MEX3C: variants seen among roughly 807,000 people sequenced by gnomAD.
The protein encoded by MEX3C is mex-3 RNA binding family member C.
Under a neutral mutation model 35.5 loss-of-function variants are expected in MEX3C, and 15 were observed. The ratio of observed to expected loss-of-function variants is 0.42; its 90% CI spans 0.28 to 0.65. MEX3C has a LOEUF of 0.65. MEX3C is among the 30% of genes least tolerant of loss of function. The probability of loss-of-function intolerance (pLI) is 0.20; values close to 1 mark genes in which losing one functional copy is unlikely to be tolerated. For synonymous variants in MEX3C, 390 were observed against 352.8 expected (o/e 1.11, Z -1.18); for missense variants, 711 against 842.8 (o/e 0.84, Z 1.94).
Position 51,177,135 on chromosome 18 carries a change from A to AT in MEX3C, c.1195dup (p.Ile399AsnfsTer5). The AT allele has an allele frequency of 6.2e-7, 1 of 1,613,946 alleles. No individual in the cohort carries two copies. The highest frequency in any genetic ancestry group is 8.5e-7 in the Non-Finnish European group (1 of 1,179,892). ...GAAATCATTCTCTTCATTGAGCTCT[A>AT]TATAGTTTCCTGTACGCATGGCAAT... On this transcript the variant is annotated frameshift_variant, in exon 2 of 2. Transcript: ENST00000406189. LOFTEE classifies it high-confidence loss of function. The surrounding 1 kb of genome is among the most constrained non-coding windows in gnomAD (Gnocchi z 4.2).
chr18:51,195,458 G>C (rs975426756), intron 1 of MEX3C: 1 of 152,110 alleles, frequency 6.6e-6, no homozygotes, highest in African/African-American at 2.4e-5. Flanking sequence ...CCACCATTTC[G>C]ACAGAGCTCT....
intron 1 of MEX3C, among the ~76,000 whole-genome samples, chr18:51,179,292 G>A (rs1599250572): frequency 6.6e-6 from 1 of 152,182 alleles, no homozygotes; most frequent in East Asian, 1.9e-4. Flanking sequence ...GGGAGCCACC[G>A]CACCTGGCCG....
intron 1 of MEX3C, among the ~76,000 whole-genome samples, chr18:51,181,381 G>A (rs879707653): frequency 6.6e-6 from 1 of 152,056 alleles, no homozygotes; most frequent in Non-Finnish European, 1.5e-5. Flanking sequence ...ATAAAAGGGT[G>A]AAAGAAACAG....
At chr18:51,181,049 T>C (rs1389628160) in intron 1 of MEX3C, among the ~76,000 whole-genome samples, 3 of 152,194 alleles carry the variant, frequency 2.0e-5, no homozygotes, top group Non-Finnish European at 2.9e-5. Flanking sequence ...CAATCTTGTT[T>C]TGTAATTTTG....
chr18:51,177,043 G>A lies in MEX3C; in HGVS notation c.1288C>T (p.Pro430Ser). Residue 430 changes from proline (P) to serine (S), a missense_variant, in exon 2 of 2, where the codon CCT (proline) becomes TCT (serine). By Grantham distance (74) the Pro-to-Ser change is moderately conservative. Around this residue, in one of 4 missense-constraint regions of MEX3C, gnomAD observed 187 missense variants for 201.7 expected, o/e 0.93. Coordinates refer to ENST00000406189, the MANE Select transcript of MEX3C (RefSeq NM_016626.5). The surrounding 1 kb of genome is among the most constrained non-coding windows in gnomAD (Gnocchi z 4.2). ...ATTCTTGCGCGGCTAGGAGGAACAG[G>A]ATTGGAGGAGAGCCACGCAGAGCCA... ...TLGSAWLSSN[P>S]VPPSRARMIS... is the part of the protein sequence containing the mutation. 1 of 1,613,912 alleles carries A rather than the reference G, an allele frequency of 6.2e-7. No homozygotes were observed. The highest frequency in any genetic ancestry group is 1.1e-5 in the South Asian group (1 of 91,084).
At chr18:51,184,265 C>T (rs533086465) in intron 1 of MEX3C, among the ~76,000 whole-genome samples, 5 of 152,224 alleles carry the variant, frequency 3.3e-5, no homozygotes, top group South Asian at 2.1e-4. Flanking sequence ...GGACATGAGC[C>T]GCAGATAAGC....
Position 51,174,664 on chromosome 18 carries a change from T to G in MEX3C, c.*1687A>C, listed in dbSNP as rs1912259141. ...TATCAGTGCTTTGGCCATCTTAAGTTAAAGGCCCTTTATCATAAAATATAT... is the reference window on the plus strand; with the variant it reads ...TATCAGTGCTTTGGCCATCTTAAGTGAAAGGCCCTTTATCATAAAATATAT... On this transcript the variant is annotated 3_prime_UTR_variant, in exon 2 of 2. Transcript: ENST00000406189. 6.6e-6 allele frequency: 1 copy of G among 152,652 alleles called. No homozygotes were observed. The highest frequency in any genetic ancestry group is 1.9e-4 in the East Asian group (1 of 5,198). The allele number at this position is 152,652 out of a possible 1,614,324, so 9.5% of individuals were successfully genotyped here. A position where few individuals can be genotyped will look rare whatever the true frequency, so the allele number is the denominator to read the frequency against.
intron 1 of MEX3C, among the ~76,000 whole-genome samples, chr18:51,187,309 A>G (rs901861850): frequency 1.3e-5 from 2 of 152,210 alleles, no homozygotes; most frequent in Admixed American, 6.5e-5. Flanking sequence ...TAATACAAAC[A>G]TAGGCACAAC....
At chr18:51,184,725 G>T (rs1485624621) in intron 1 of MEX3C, among the ~76,000 whole-genome samples, 1 of 152,050 alleles carries the variant, frequency 6.6e-6, no homozygotes, top group African/African-American at 2.4e-5. Flanking sequence ...GGGCGTGGTG[G>T]TGCACACCTG....
rs540478083 is a variant in MEX3C at position 51,178,267 on chromosome 18, C to A, written c.755-691G>T. Among the ~76,000 whole-genome samples, 112 of 151,954 alleles carry A rather than the reference C, an allele frequency of 7.4e-4. 3 individuals are homozygous for A. The highest frequency in any genetic ancestry group is 7.3e-3 in the Admixed American group (111 of 15,254). ...CAAGGACTGCTCTGATTGACAGACA[C>A]AATTTCAAATAAAAGGCCATGACCC... On this transcript the variant is annotated intron_variant, in intron 1 of 1. Coordinates refer to ENST00000406189, the MANE Select transcript of MEX3C (RefSeq NM_016626.5).
chr18:51,194,665 A>C (rs1431457460), intron 1 of MEX3C: 1 of 152,232 alleles, frequency 6.6e-6, no homozygotes, highest in Non-Finnish European at 1.5e-5. Flanking sequence ...CTGGCACGTA[A>C]ATGTTTTCTT....
chr18:51,179,326 C>G (rs1339139648), intron 1 of MEX3C, among the ~76,000 whole-genome samples: 1 of 152,138 alleles, frequency 6.6e-6, no homozygotes, highest in Non-Finnish European at 1.5e-5. Context: ...AAGCACATGA[C>G]CTGATCACTT....
At chr18:51,196,295 C>A in intron 1 of MEX3C, 2 of 650,524 alleles carry the variant, frequency 3.1e-6, no homozygotes, top group Non-Finnish European at 4.8e-6. Context: ...GCCTGGTGTT[C>A]CACGAATACA....
intron 1 of MEX3C, chr18:51,195,223 CTAAG>C (rs887694123): frequency 2.0e-5 from 3 of 152,166 alleles, no homozygotes; most frequent in South Asian, 2.1e-4. Flanking sequence ...GATTATTACT[CTAAG>C]TATCGCCAAA....
chr18:51,196,444 C>A (rs574728397), intron 1 of MEX3C, 123 bp downstream of exon 1: 4 of 1,460,978 alleles, frequency 2.7e-6, no homozygotes, highest in East Asian at 5.1e-5. Flanking sequence ...TCCTCCCAGA[C>A]CCCTTCGCGG....
chr18:51,184,867 GA>G (rs58366081), intron 1 of MEX3C, among the ~76,000 whole-genome samples: 38 of 146,544 alleles, frequency 2.6e-4, no homozygotes, highest in African/African-American at 6.3e-4. Context: ...CCAAAGAAAA[GA>G]AAAAAAAAAA....
rs1912314934 is a variant in MEX3C, at chr18:51,176,775, A to G, written c.1556T>C (p.Leu519Pro). 7.4e-6 allele frequency: 12 copies of G among 1,613,930 alleles called. No individual in the cohort carries two copies. Among genetic ancestry groups the G allele is most frequent in the Non-Finnish European group, 1.0e-5 (12 of 1,179,872 alleles). Residue 519 changes from leucine (L) to proline (P), a missense_variant, in exon 2 of 2, where the codon CTC (leucine) becomes CCC (proline). By Grantham distance (98) the Leu-to-Pro change is moderately conservative. This residue lies in a region of MEX3C where 187 missense variants were observed against 201.7 expected (regional missense o/e 0.93). Transcript: ENST00000406189. ...AGAAGGATCACTCCCAAAGCCAGAG[A>G]GTGGGTTAACTGGTTCAAATGGAGT... ...IWTPFEPVNP[L>P]SGFGSDPSGN...
chr18:51,186,736 G>A (rs567537108), intron 1 of MEX3C, among the ~76,000 whole-genome samples: 1 of 152,186 alleles, frequency 6.6e-6, no homozygotes, highest in Admixed American at 6.5e-5. Context: ...AGGACAGAAT[G>A]CAAGGCTGGG....
chr18:51,176,923 T>C lies in MEX3C; in HGVS notation c.1408A>G (p.Thr470Ala), dbSNP rs886621731. The change falls in exon 2 of 2, where the codon ACA (threonine) becomes GCA (alanine). Residue 470 changes from threonine to alanine, a missense_variant. Physicochemically the swap from Thr to Ala is moderately conservative, Grantham distance 58. This residue lies in a region of MEX3C where 187 missense variants were observed against 201.7 expected (regional missense o/e 0.93). Coordinates refer to ENST00000406189, the MANE Select transcript of MEX3C (RefSeq NM_016626.5). Reference protein sequence around the residue: ...GSNRLADFSPTSPFSTGNFWF... With the variant: ...GSNRLADFSPASPFSTGNFWF... ...AAGTTTCCTGTGCTAAATGGGCTTG[T>C]TGGACTAAAGTCAGCCAGCCTATTG... The C allele has an allele frequency of 1.9e-5, 30 of 1,613,894 alleles. No individual in the cohort carries two copies. Among genetic ancestry groups the C allele is most frequent in the Non-Finnish European group, 2.5e-5 (30 of 1,179,890 alleles).
Sources: allele counts gnomAD v4.1 joint callset (sites outside exome capture counted in the v4.1 genomes callset), GRCh38; gene constraint gnomAD v4.1.1; regional missense constraint gnomAD v4.1.1; non-coding constraint Gnocchi (gnomAD v3.1); transcripts MANE v1.5; gene names NCBI Gene and HGNC (gene_info 2026-07-23, HGNC 2026-07-21).